Variants in KIF17 observed in about 807,000 individuals in gnomAD.
The protein encoded by KIF17 is kinesin-like protein KIF17.
Under a neutral mutation model 96.8 loss-of-function variants are expected in KIF17, and 80 were observed. That is an observed-to-expected ratio of 0.83 (90% CI 0.69 to 1.00). The LOEUF (loss-of-function observed/expected upper bound fraction) is 1.00, where lower values mean the gene tolerates loss of function less well. KIF17 is among the 50% of genes least tolerant of loss of function. KIF17 has a pLI of 0.00. For synonymous variants in KIF17, 567 were observed against 587.5 expected, an observed-to-expected ratio of 0.97 and a Z score of 0.51; for missense variants, 1,280 against 1,372.9, an observed-to-expected ratio of 0.93 and a Z score of 1.07.
intron 4 of KIF17, among the ~76,000 whole-genome samples, chr1:20,706,888 CAA>C (rs113547608): frequency 6.9e-6 from 1 of 144,772 alleles, no homozygotes. Flanking sequence ...AATCCTGTCT[CAA>C]AAAAAAAAAG....
chr1:20,698,495 G>T lies in KIF17; in HGVS notation c.1124-7C>A. On this transcript the variant is annotated splice_region_variant and splice_polypyrimidine_tract_variant and intron_variant, in intron 5 of 14. Coordinates refer to ENST00000400463, the MANE Select transcript of KIF17 (RefSeq NM_001122819.3). The stretch of plus-strand genomic sequence containing the variant: ...ACCTGCCTGGACAGCAGGGCTGGGG[G>T]AGAAACAGAAATTAGCAGCCAGGAT... 6.2e-7 allele frequency: 1 copy of T among 1,603,638 alleles called. No homozygotes were observed. Among genetic ancestry groups the T allele is most frequent in the Non-Finnish European group, 8.5e-7 (1 of 1,172,352 alleles).
chr1:20,716,184 G>A (rs1332388527), intron 1 of KIF17, among the ~76,000 whole-genome samples: 3 of 151,164 alleles, frequency 2.0e-5, no homozygotes, highest in African/African-American at 7.3e-5. Context: ...GGAGATTGCA[G>A]TGAGCCGAGG....
intron 10 of KIF17, among the ~76,000 whole-genome samples, chr1:20,683,358 G>A (rs1291817093): frequency 6.6e-6 from 1 of 152,156 alleles, no homozygotes. Flanking sequence ...TTGTCCTTTA[G>A]AGGTACAAAT....
intron 4 of KIF17, among the ~76,000 whole-genome samples, chr1:20,708,709 G>T (rs189424676): frequency 6.6e-6 from 1 of 152,136 alleles, no homozygotes; most frequent in East Asian, 1.9e-4. Context: ...CTGTTTCCTC[G>T]TCTATAAAAT....
At chr1:20,666,427 C>T (rs1283694582) in intron 13 of KIF17, 96 bp from the exon 14 acceptor site, 1 of 968,934 alleles carries the variant, frequency 1.0e-6, no homozygotes, top group East Asian at 2.4e-5. Context: ...TGGGGGCCGC[C>T]CCGAGCTTCC....
chr1:20,709,697 G>T lies in KIF17; in HGVS notation c.612C>A (p.Asn204Lys), dbSNP rs2054403085. Residue 204 changes from asparagine to lysine, a missense_variant, in exon 4 of 15, where the codon AAC becomes AAA. Transcript: ENST00000400463. The surrounding 1 kb of genome is among the most constrained non-coding windows in gnomAD (Gnocchi z 4.7). ...KNRSVGYTLMNKDSSRSHSIF... is the reference protein window; with the variant it reads ...KNRSVGYTLMKKDSSRSHSIF... ...TGGAGTGCGAGCGTGAGGAATCCTT[G>T]TTCATCAGCGTGTAGCCGACCGAAC... 6.2e-7 allele frequency: 1 copy of T among 1,614,116 alleles called. No homozygotes were observed. The highest frequency in any genetic ancestry group is 8.5e-7 in the Non-Finnish European group (1 of 1,180,028).
rs763122933 is a variant in KIF17, at chr1:20,670,427, C to T, written c.2784G>A (p.Pro928=). 9.9e-6 allele frequency: 16 copies of T among 1,613,728 alleles called. No homozygotes were observed. Among genetic ancestry groups the T allele is most frequent in the South Asian group, 2.2e-5 (2 of 91,082 alleles). ...CCTCTCCCGCGGTCCTCACCATGTT[C>T]GGCTCGCCATTGTCTGCTGCAGAGG... The part of the protein sequence containing the change: ...RKTSAADNGE[P]NMEDDRYRLM... The change falls in exon 13 of 15, where the codon CCG becomes CCA. Residue 928 remains proline, a synonymous_variant. Coordinates refer to ENST00000400463, the MANE Select transcript of KIF17 (RefSeq NM_001122819.3).
chr1:20,664,806 G>C lies in KIF17; in HGVS notation c.2909-44C>G, dbSNP rs549081757. 10 of 1,579,372 alleles carry C rather than the reference G, an allele frequency of 6.3e-6. 1 individual carries two copies. In the South Asian group the frequency reaches 1.1e-4, roughly 18 times the overall value. The stretch of plus-strand genomic sequence containing the variant: ...AGGTGCTGGTAAGCCAGGAGCGCAG[G>C]GATGGAGAGAAAATGCCCCAAGTGG... On this transcript the variant is annotated intron_variant, in intron 14 of 14. Transcript: ENST00000400463.
intron 11 of KIF17, among the ~76,000 whole-genome samples, chr1:20,681,666 A>G (rs1396920210): frequency 2.0e-5 from 3 of 152,086 alleles, no homozygotes; most frequent in Non-Finnish European, 4.4e-5. Flanking sequence ...CGTGGGCAGA[A>G]TCACGCTCTC....
In KIF17 at chr1:20,709,534, T is replaced by C; in HGVS notation, c.670+105A>G. On this transcript the variant is annotated intron_variant, in intron 4 of 14. Transcript: ENST00000400463. The surrounding 1 kb of genome is among the most constrained non-coding windows in gnomAD (Gnocchi z 4.7). ...TTCCTCCAGGCTGTTAGAGCATCTC[T>C]TCCCACTTTCCAGGGGCTCCTGCGG... The C allele has an allele frequency of 3.1e-6, 4 of 1,285,558 alleles. No homozygotes were observed. Among genetic ancestry groups the C allele is most frequent in the Non-Finnish European group, 4.5e-6 (4 of 888,072 alleles). The allele number at this position is 1,285,558 out of a possible 1,614,324, so 79.6% of individuals were successfully genotyped here. A position where few individuals can be genotyped will look rare whatever the true frequency, so the allele number is the denominator to read the frequency against.
At chr1:20,670,023 G>C (rs937116810) in intron 13 of KIF17, among the ~76,000 whole-genome samples, 1 of 148,096 alleles carries the variant, frequency 6.8e-6, no homozygotes, top group African/African-American at 2.5e-5. Flanking sequence ...GAATATGAGA[G>C]ACGGGAAAAT....
rs775654213 is a variant in KIF17, at chr1:20,709,790, C to A, written c.519G>T (p.Gly173=). The change falls in exon 4 of 15, where the codon GGG becomes GGT. Residue 173 remains glycine (G), a synonymous_variant. Transcript: ENST00000400463. This position sits in a 1 kb window ranked among gnomAD's most constrained non-coding sequence, Gnocchi z 4.7. ...CGCTGTGCACCGTGTGCATGGACAG[C>A]CCCTTCACGTACACGCCCTTCTCTG... ...EHPEKGVYVK[G]LSMHTVHSVA... is the part of the protein sequence containing the mutation. 5.6e-6 allele frequency: 9 copies of A among 1,613,838 alleles called. No individual in the cohort carries two copies. The South Asian group carries it at 8.8e-5, about 16-fold the overall frequency.
At chr1:20,689,720 A>C (rs1185826980) in intron 7 of KIF17, among the ~76,000 whole-genome samples, 1 of 152,216 alleles carries the variant, frequency 6.6e-6, no homozygotes, top group Non-Finnish European at 1.5e-5. Flanking sequence ...GCTGTGGCTA[A>C]GGATTAAATC....
intron 1 of KIF17, 167 bp downstream of exon 1, chr1:20,717,309 T>C: frequency 1.4e-6 from 1 of 690,258 alleles, no homozygotes; most frequent in Non-Finnish European, 2.4e-6. Context: ...AGAGGCAGGC[T>C]CTGGTTGTGT....
chr1:20,680,209 A>C (rs925227231), intron 11 of KIF17, among the ~76,000 whole-genome samples: 1 of 152,240 alleles, frequency 6.6e-6, no homozygotes, highest in African/African-American at 2.4e-5. Flanking sequence ...TATCGAATGA[A>C]GAAAACTAAG....
rs754531858 is a variant in KIF17, at chr1:20,717,675, C to T, written c.32G>A (p.Arg11His). 11 of 1,600,726 alleles carry T rather than the reference C, an allele frequency of 6.9e-6. No individual in the cohort carries two copies. In the South Asian group the frequency reaches 1.1e-4, roughly 16 times the overall value. The change falls in exon 1 of 15, where the codon CGC becomes CAC. Residue 11 changes from arginine to histidine, a missense_variant. Physicochemically the swap from Arg to His is conservative, Grantham distance 29. Coordinates refer to ENST00000400463, the MANE Select transcript of KIF17 (RefSeq NM_001122819.3). Reference protein sequence around the residue: MASEAVKVVVRCRPMNQRERE... With the variant: MASEAVKVVVHCRPMNQRERE... ...CTCCCGCTGGTTCATGGGACGGCAG[C>T]GCACGACAACCTTCACCGCCTCGGA...
chr1:20,714,290 G>A (rs562013126), intron 2 of KIF17, among the ~76,000 whole-genome samples: 1 of 151,492 alleles, frequency 6.6e-6, no homozygotes, highest in African/African-American at 2.4e-5. Flanking sequence ...TCACGCCACT[G>A]CACTCCAGCC....
chr1:20,684,951 CCTCCAACCACA>C lies in KIF17; in HGVS notation c.2078_2088del (p.Val693GlyfsTer12). 1 of 1,604,224 alleles carries C rather than the reference CCTCCAACCACA, an allele frequency of 6.2e-7. No individual in the cohort carries two copies. The highest frequency in any genetic ancestry group is 8.5e-7 in the Non-Finnish European group (1 of 1,175,770). ...GCCACCAGGGCCACCGGGGCCTGAG[CCTCCAACCACA>C]CGCCAGGCTCTGCTGTCCGCACCAC... On this transcript the variant is annotated frameshift_variant, in exon 10 of 15. Coordinates refer to ENST00000400463, the MANE Select transcript of KIF17 (RefSeq NM_001122819.3). LOFTEE classifies it high-confidence loss of function.
intron 14 of KIF17, 147 bp downstream of exon 14, chr1:20,666,067 G>T: frequency 1.4e-6 from 1 of 740,188 alleles, no homozygotes. Context: ...AGAAGTTGGT[G>T]TTACCCCCCT....
Sources: allele counts gnomAD v4.1 joint callset (sites outside exome capture counted in the v4.1 genomes callset), GRCh38; gene constraint gnomAD v4.1.1; non-coding constraint Gnocchi (gnomAD v3.1); transcripts MANE v1.5; gene names NCBI Gene and HGNC (gene_info 2026-07-23, HGNC 2026-07-21).